Variants in PTPRD observed in about 807,000 individuals in gnomAD.
PTPRD encodes the protein protein tyrosine phosphatase receptor type D.
A neutral mutation model predicts 214.5 loss-of-function variants in PTPRD; 34 were observed. That is an observed-to-expected ratio of 0.16 (90% CI 0.12 to 0.21). PTPRD has a LOEUF of 0.21. PTPRD is among the 10% of genes least tolerant of loss of function. The pLI, the probability that PTPRD is intolerant of heterozygous loss-of-function variation, is 1.00. For missense variants in PTPRD, 2,545 were observed against 2,398.7 expected, an observed-to-expected ratio of 1.06 and a Z score of -1.27; for synonymous variants, 1,128 against 845.7, an observed-to-expected ratio of 1.33 and a Z score of -5.79.
chr9:9,420,227 CAACT>C (rs1263654654), intron 8 of PTPRD, among the ~76,000 whole-genome samples: 1 of 151,732 alleles, frequency 6.6e-6, no homozygotes, highest in Non-Finnish European at 1.5e-5. Context: ...AACAAAATAT[CAACT>C]AATATTCTGT....
chr9:8,835,342 CAA>C (rs1428662634), intron 11 of PTPRD, among the ~76,000 whole-genome samples: 2 of 152,178 alleles, frequency 1.3e-5, no homozygotes, highest in Non-Finnish European at 2.9e-5. Flanking sequence ...ATTTGCTTTT[CAA>C]AAGAGTTGAA....
At chr9:9,921,072 A>G (rs899358078) in intron 5 of PTPRD, among the ~76,000 whole-genome samples, 2 of 151,880 alleles carry the variant, frequency 1.3e-5, no homozygotes, top group Non-Finnish European at 2.9e-5. Context: ...TTACAGTTCA[A>G]TTTCTCAGTT....
intron 5 of PTPRD, among the ~76,000 whole-genome samples, chr9:9,927,471 A>C (rs1771771179): frequency 1.3e-5 from 2 of 152,140 alleles, no homozygotes; most frequent in African/African-American, 4.8e-5. Context: ...ATTTATATCA[A>C]ATTCAGCTTT....
At chr9:9,719,576 C>T (rs999037736) in intron 7 of PTPRD, among the ~76,000 whole-genome samples, 1 of 152,074 alleles carries the variant, frequency 6.6e-6, no homozygotes, top group Non-Finnish European at 1.5e-5. Flanking sequence ...GATTTGCAGG[C>T]CAGAACAAGG....
intron 3 of PTPRD, among the ~76,000 whole-genome samples, chr9:10,195,465 G>C (rs540033551): frequency 1.6e-3 from 241 of 152,214 alleles, no homozygotes; most frequent in African/African-American, 5.1e-3. Flanking sequence ...CCAATGAGAT[G>C]TGAGAAATAT....
At chr9:9,759,073 T>G (rs2098623419) in intron 6 of PTPRD, among the ~76,000 whole-genome samples, 1 of 152,058 alleles carries the variant, frequency 6.6e-6, no homozygotes, top group Non-Finnish European at 1.5e-5. Flanking sequence ...TCAAACCAAT[T>G]TTGATGATTT....
intron 5 of PTPRD, among the ~76,000 whole-genome samples, chr9:9,860,250 A>G (rs2062432758): frequency 1.3e-5 from 2 of 152,228 alleles, no homozygotes; most frequent in African/African-American, 2.4e-5. Flanking sequence ...AAGACAACAC[A>G]AATGATGGAA....
intron 5 of PTPRD, among the ~76,000 whole-genome samples, chr9:9,804,177 C>T (rs933476818): frequency 1.3e-5 from 2 of 152,084 alleles, no homozygotes; most frequent in Non-Finnish European, 2.9e-5. Flanking sequence ...AGTCTCATCC[C>T]TCTACATTTC....
At chr9:10,242,614 T>TTA (rs1030070957) in intron 3 of PTPRD, among the ~76,000 whole-genome samples, 23 of 151,244 alleles carry the variant, frequency 1.5e-4, no homozygotes, top group Admixed American at 9.9e-4. Flanking sequence ...AATACATTTT[T>TTA]TTTTTTTTGC....
At chr9:9,889,094 T>A (rs549768306) in intron 5 of PTPRD, among the ~76,000 whole-genome samples, 67 of 152,024 alleles carry the variant, frequency 4.4e-4, no homozygotes, top group Non-Finnish European at 7.4e-4. Context: ...GAGAGTAGAA[T>A]GATGGTTGCC....
chr9:8,639,372 C>T (rs1022648584), intron 12 of PTPRD, among the ~76,000 whole-genome samples: 1 of 152,062 alleles, frequency 6.6e-6, no homozygotes, highest in East Asian at 1.9e-4. Context: ...AAATAGATTG[C>T]TGTATTAAAT....
chr9:10,052,127 A>T (rs1301137160), intron 3 of PTPRD, among the ~76,000 whole-genome samples: 1 of 152,014 alleles, frequency 6.6e-6, no homozygotes, highest in East Asian at 1.9e-4. Context: ...TATTTTTTGT[A>T]GTGACAGATT....
At chr9:8,642,757 A>G (rs1193121768) in intron 12 of PTPRD, among the ~76,000 whole-genome samples, 2 of 152,166 alleles carry the variant, frequency 1.3e-5, no homozygotes, top group Non-Finnish European at 2.9e-5. Flanking sequence ...CATCCTATTG[A>G]CACTTTCGCA....
Position 9,895,944 on chromosome 9 carries a change from G to A in PTPRD, c.-368+42563C>T, listed in dbSNP as rs189726115. 1.7e-3 allele frequency among the ~76,000 whole-genome samples: 265 copies of A among 152,004 alleles called. 1 individual carries two copies. The highest frequency in any genetic ancestry group is 2.7e-3 in the Non-Finnish European group (183 of 67,968). ...AGTCTTTCTTGAGGTTATATGGCAC[G>A]TAGGTAGAAGCTAAACTTACTCAGA... is the stretch of plus-strand genomic sequence containing the variant. On this transcript the variant is annotated intron_variant, in intron 5 of 45. Coordinates refer to ENST00000381196, the MANE Select transcript of PTPRD (RefSeq NM_002839.4).
At position 9,412,682 on chromosome 9, in the gene PTPRD, T is replaced by C. The variant is rs889237322; in HGVS notation, c.-236-15200A>G. Among the ~76,000 whole-genome samples, 4 of 152,274 alleles carry C rather than the reference T, an allele frequency of 2.6e-5. No individual in the cohort carries two copies. The East Asian group carries it at 7.7e-4, about 29-fold the overall frequency. On this transcript the variant is annotated intron_variant, in intron 8 of 45. Coordinates refer to ENST00000381196, the MANE Select transcript of PTPRD (RefSeq NM_002839.4). The stretch of plus-strand genomic sequence containing the variant: ...ACACCTCTCTTCGCTCTATTAAATA[T>C]ATTTTTACTTGTATTTGTTTTTCTC...
At chr9:8,461,397 C>T (rs374911927) in intron 32 of PTPRD, among the ~76,000 whole-genome samples, 2 of 151,886 alleles carry the variant, frequency 1.3e-5, no homozygotes, top group African/African-American at 2.4e-5. Context: ...GACTAAATAT[C>T]GATGATTTTT....
intron 2 of PTPRD, among the ~76,000 whole-genome samples, chr9:10,508,240 T>A (rs833423): frequency 0.99 from 150,503 of 152,246 alleles, 74,410 homozygotes; most frequent in East Asian, 1. Flanking sequence ...TCAAAACCAC[T>A]ATGAGATACC....
intron 11 of PTPRD, among the ~76,000 whole-genome samples, chr9:8,977,553 C>A (rs2099274830): frequency 6.6e-6 from 1 of 151,954 alleles, no homozygotes; most frequent in South Asian, 2.1e-4. Flanking sequence ...TCTTGTCATA[C>A]AGTCATCATC....
In PTPRD at chr9:8,891,177, A is replaced by T. The variant is rs952708223; in HGVS notation, c.-104+127520T>A. Among the ~76,000 whole-genome samples the T allele has an allele frequency of 1.1e-4, 14 of 128,614 alleles. 1 individual carries two copies. The Admixed American group carries it at 1.1e-3, about 10-fold the overall frequency. The allele number at this position is 128,614 out of a possible 152,430, so 84.4% of individuals were successfully genotyped here. On this transcript the variant is annotated intron_variant, in intron 11 of 45. Transcript: ENST00000381196. ...GAGACTGAGTCTCCCTCTGTTACCC[A>T]GGCTGGAGTGCAGTGGTGCGATCTC...
Sources: allele counts gnomAD v4.1 joint callset (sites outside exome capture counted in the v4.1 genomes callset), GRCh38; gene constraint gnomAD v4.1.1; transcripts MANE v1.5; gene names NCBI Gene and HGNC (gene_info 2026-07-23, HGNC 2026-07-21).